Variants in ABCA13 observed in about 807,000 individuals in gnomAD.
ABCA13 encodes ATP binding cassette subfamily A member 13.
In ABCA13, 476 loss-of-function variants were observed where a neutral mutation model predicts 478.7. That is an observed-to-expected ratio of 0.99 (90% CI 0.92 to 1.07). ABCA13 has a LOEUF of 1.07. ABCA13 is among the 50% of genes least tolerant of loss of function. The probability of loss-of-function intolerance (pLI) is 0.00; values close to 1 mark genes in which losing one functional copy is unlikely to be tolerated. For missense variants in ABCA13, 6,060 were observed against 5,910.6 expected (o/e 1.03, Z -0.83); for synonymous variants, 2,252 against 2,158.9 (o/e 1.04, Z -1.20).
intron 38 of ABCA13, 61 bp from the exon 39 acceptor site, chr7:48,403,622 A>C (rs901645814): frequency 5.2e-6 from 8 of 1,526,666 alleles, no homozygotes; most frequent in Non-Finnish European, 7.2e-6. Flanking sequence ...TTCTGGAGTG[A>C]AATTAGAAGC....
At chr7:48,398,513 A>T (rs1017061294) in intron 38 of ABCA13, among the ~76,000 whole-genome samples, 54 of 152,130 alleles carry the variant, frequency 3.5e-4, no homozygotes, top group Non-Finnish European at 2.6e-4. Context: ...GGTTTCCTTA[A>T]TGTGTAGCTT....
intron 58 of ABCA13, among the ~76,000 whole-genome samples, chr7:48,596,952 A>G (rs569621482): frequency 5.3e-5 from 8 of 151,304 alleles, no homozygotes; most frequent in Admixed American, 1.3e-4. Flanking sequence ...TTTATTTATC[A>G]TAACACTTTT....
At chr7:48,249,685 T>G (rs369793605) in intron 15 of ABCA13, among the ~76,000 whole-genome samples, 75 of 152,330 alleles carry the variant, frequency 4.9e-4, no homozygotes, top group African/African-American at 1.8e-3. Flanking sequence ...TTTTCTGTTG[T>G]GGCCCTTCTC....
At chr7:48,355,326 C>G (rs1233927527) in intron 31 of ABCA13, among the ~76,000 whole-genome samples, 1 of 151,346 alleles carries the variant, frequency 6.6e-6, no homozygotes, top group Non-Finnish European at 1.5e-5. Flanking sequence ...GGCAGAGGAA[C>G]CCCCCATGCA....
chr7:48,208,235 A>G (rs555112720), intron 3 of ABCA13, among the ~76,000 whole-genome samples: 1 of 152,272 alleles, frequency 6.6e-6, no homozygotes, highest in African/African-American at 2.4e-5. Flanking sequence ...TGATGCCATC[A>G]GCTTTGCTCT....
chr7:48,419,539 T>C (rs1171616093), intron 41 of ABCA13, among the ~76,000 whole-genome samples: 1 of 147,848 alleles, frequency 6.8e-6, no homozygotes, highest in Non-Finnish European at 1.5e-5. Flanking sequence ...GAGTAATTCT[T>C]CCACGTAACA....
In ABCA13 at chr7:48,620,304, A is replaced by G. The variant is rs192395652; in HGVS notation, c.14837+4927A>G. On this transcript the variant is annotated intron_variant, in intron 59 of 61. Transcript: ENST00000435803. ...AAGAGGGACAGATACCAGTCAAAGC[A>G]AAGTTTAGATTTCAATATGAAAAAT... 1.2e-4 allele frequency among the ~76,000 whole-genome samples: 19 copies of G among 152,350 alleles called. No individual in the cohort carries two copies. In the East Asian group the frequency reaches 3.7e-3, roughly 29 times the overall value.
At chr7:48,352,560 C>T (rs1019690629) in intron 31 of ABCA13, 73 bp downstream of exon 31, 3 of 1,425,612 alleles carry the variant, frequency 2.1e-6, no homozygotes, top group African/African-American at 2.9e-5. Context: ...AGAGAAAACT[C>T]AGTTTTTCTA....
At chr7:48,445,011 C>CTT (rs34045232) in intron 42 of ABCA13, among the ~76,000 whole-genome samples, 3,345 of 141,492 alleles carry the variant, frequency 0.024, 123 homozygotes, top group African/African-American at 0.077. Flanking sequence ...TTCTTTCTTT[C>CTT]TTTTTTTTTT....
chr7:48,219,605 T>C, intron 4 of ABCA13, 100 bp downstream of exon 4: 1 of 1,430,524 alleles, frequency 7.0e-7, no homozygotes, highest in South Asian at 1.4e-5. Context: ...GCTCAACTCC[T>C]GCCTGTGCTA....
chr7:48,531,586 A>G (rs567988157), intron 55 of ABCA13, among the ~76,000 whole-genome samples: 22 of 151,980 alleles, frequency 1.4e-4, no homozygotes, highest in Non-Finnish European at 2.2e-4. Context: ...TTTTAGCAGT[A>G]TGGTCATTTT....
At chr7:48,243,636 A>G (rs764811553) in intron 10 of ABCA13, among the ~76,000 whole-genome samples, 2 of 152,236 alleles carry the variant, frequency 1.3e-5, no homozygotes, top group Non-Finnish European at 2.9e-5. Flanking sequence ...GCTTGGGTCC[A>G]TCAGCTCTCC....
chr7:48,175,072 G>A (rs926436727), intron 1 of ABCA13, among the ~76,000 whole-genome samples: 14 of 152,300 alleles, frequency 9.2e-5, no homozygotes, highest in Middle Eastern at 3.4e-3. Flanking sequence ...AATGTCTCAC[G>A]GGTGACCCCA....
At chr7:48,367,124 A>G (rs1811800554) in intron 31 of ABCA13, among the ~76,000 whole-genome samples, 1 of 152,158 alleles carries the variant, frequency 6.6e-6, no homozygotes, top group African/African-American at 2.4e-5. Flanking sequence ...CAGGTAAAGG[A>G]GAAGTTGCCA....
chr7:48,185,816 G>A (rs1478082117), intron 1 of ABCA13, among the ~76,000 whole-genome samples: 1 of 151,944 alleles, frequency 6.6e-6, no homozygotes, highest in Non-Finnish European at 1.5e-5. Context: ...TTTTCTTCCT[G>A]TAATAAAATA....
chr7:48,332,181 A>G (rs939183215), intron 27 of ABCA13, among the ~76,000 whole-genome samples: 4 of 152,074 alleles, frequency 2.6e-5, no homozygotes, highest in Non-Finnish European at 5.9e-5. Flanking sequence ...GCTTTTGGCT[A>G]TTGTGTCTTC....
chr7:48,178,414 C>T (rs1795176128), intron 1 of ABCA13, among the ~76,000 whole-genome samples: 2 of 152,088 alleles, frequency 1.3e-5, no homozygotes, highest in South Asian at 4.1e-4. Context: ...GTGGCTCACA[C>T]CTGTAATCCC....
intron 7 of ABCA13, among the ~76,000 whole-genome samples, chr7:48,233,785 A>G (rs1789532849): frequency 6.6e-6 from 1 of 152,212 alleles, no homozygotes; most frequent in African/African-American, 2.4e-5. Context: ...TTTTAAAATT[A>G]TCTTCTGGAA....
intron 31 of ABCA13, among the ~76,000 whole-genome samples, chr7:48,366,370 G>A (rs956064546): frequency 2.6e-5 from 4 of 151,864 alleles, no homozygotes; most frequent in Non-Finnish European, 5.9e-5. Flanking sequence ...GTCTGAAATA[G>A]CATTCCTTCT....
Sources: gnomAD v4.1 joint callset for allele counts (sites outside exome capture counted in the v4.1 genomes callset) on GRCh38, gnomAD v4.1.1 for gene constraint, MANE v1.5 for transcripts, NCBI Gene and HGNC (gene_info 2026-07-23, HGNC 2026-07-21) for gene names.